ADGRA2: variants seen among roughly 807,000 people sequenced by gnomAD.
ADGRA2 encodes the protein adhesion G protein-coupled receptor A2.
In ADGRA2, 61 loss-of-function variants were observed where a neutral mutation model predicts 98.7. The ratio of observed to expected loss-of-function variants is 0.62; its 90% CI spans 0.50 to 0.76. ADGRA2 has a LOEUF of 0.76. Ranked by LOEUF, ADGRA2 falls within the 30% of genes least tolerant of loss-of-function variation. The pLI is 0.00. For synonymous variants in ADGRA2, 858 were observed against 831.5 expected (o/e 1.03, Z -0.55); for missense variants, 1,712 against 1,860.0 (o/e 0.92, Z 1.46).
Position 37,808,247 on chromosome 8 carries a change from G to A in ADGRA2, c.267-6649G>A, listed in dbSNP as rs959508510. Among the ~76,000 whole-genome samples the A allele has an allele frequency of 5.1e-4, 77 of 152,200 alleles. 2 individuals are homozygous for A. Among genetic ancestry groups the A allele is most frequent in the African/African-American group, 1.8e-3 (76 of 41,448 alleles). On this transcript the variant is annotated intron_variant, in intron 1 of 18. Transcript: ENST00000412232. The stretch of plus-strand genomic sequence containing the variant: ...TTAGGAGTGGGAGAAGGGCGTGGGA[G>A]GGAGGGAAGAAAGAAGCCGAAGATG...
intron 2 of ADGRA2, among the ~76,000 whole-genome samples, chr8:37,816,595 C>A (rs112078330): frequency 0.093 from 7,246 of 77,624 alleles, 548 homozygotes; most frequent in African/African-American, 0.3. Context: ...CCGTCTCAAA[C>A]ACACACACAC....
Position 37,842,559 on chromosome 8 carries a change from ATTTCCGT to A in ADGRA2, c.*205_*211del. 1 of 853,222 alleles carries A rather than the reference ATTTCCGT, an allele frequency of 1.2e-6. No homozygotes were observed. The highest frequency in any genetic ancestry group is 1.6e-6 in the Non-Finnish European group (1 of 621,282). 52.9% of individuals were successfully genotyped at this position (853,222 alleles called of 1,614,324 possible). On this transcript the variant is annotated 3_prime_UTR_variant, in exon 19 of 19. Coordinates refer to ENST00000412232, the MANE Select transcript of ADGRA2 (RefSeq NM_032777.10). ...ACAATCCCAGAAACACGCATAATAC[ATTTCCGT>A]CCAGCCCGGGGCAGTCTGACTGTCG...
chr8:37,811,964 A>G (rs1804844478), intron 1 of ADGRA2, among the ~76,000 whole-genome samples: 2 of 151,916 alleles, frequency 1.3e-5, no homozygotes, highest in South Asian at 2.1e-4. Context: ...TTAGCCATGC[A>G]TGGTGACGGG....
In ADGRA2 at chr8:37,843,256, T is replaced by C. The variant is rs1805867752; in HGVS notation, c.*901T>C. 1.3e-5 allele frequency: 2 copies of C among 152,128 alleles called. No homozygotes were observed. Among genetic ancestry groups the C allele is most frequent in the Admixed American group, 1.3e-4 (2 of 15,262 alleles). The allele number at this position is 152,128 out of a possible 1,614,324, so 9.4% of individuals were successfully genotyped here. The stretch of plus-strand genomic sequence containing the variant: ...AGTTACTTTTCAGTTACAAGACCCA[T>C]CTCCCTAGTCTCAGCCTTACAACAC... On this transcript the variant is annotated 3_prime_UTR_variant, in exon 19 of 19. Coordinates refer to ENST00000412232, the MANE Select transcript of ADGRA2 (RefSeq NM_032777.10).
In ADGRA2 at chr8:37,807,990, G is replaced by A. The variant is rs149383085; in HGVS notation, c.267-6906G>A. ...GGGGTGGTATCTGGTACGTTCCTGCGGCTGCCCAGAGCCCACAGAGCCTCT... is the reference window on the plus strand; with the variant it reads ...GGGGTGGTATCTGGTACGTTCCTGCAGCTGCCCAGAGCCCACAGAGCCTCT... On this transcript the variant is annotated intron_variant, in intron 1 of 18. Coordinates refer to ENST00000412232, the MANE Select transcript of ADGRA2 (RefSeq NM_032777.10). Among the ~76,000 whole-genome samples the A allele has an allele frequency of 4.3e-3, 653 of 152,280 alleles. 10 individuals are homozygous for A. The highest frequency in any genetic ancestry group is 0.015 in the African/African-American group (609 of 41,550).
intron 2 of ADGRA2, among the ~76,000 whole-genome samples, chr8:37,827,198 C>G (rs1347053413): frequency 6.6e-6 from 1 of 152,254 alleles, no homozygotes; most frequent in Non-Finnish European, 1.5e-5. Flanking sequence ...AAAGAGCCAG[C>G]TGGCCTTTGA....
At chr8:37,822,253 G>A (rs1805147222) in intron 2 of ADGRA2, among the ~76,000 whole-genome samples, 2 of 152,122 alleles carry the variant, frequency 1.3e-5, no homozygotes. Context: ...AACCCTGGAA[G>A]TCTTGTAGGC....
At chr8:37,820,972 G>A (rs1259987570) in intron 2 of ADGRA2, among the ~76,000 whole-genome samples, 1 of 152,148 alleles carries the variant, frequency 6.6e-6, no homozygotes, top group Non-Finnish European at 1.5e-5. Context: ...AGCCAGATAG[G>A]ATAGACAGGA....
Position 37,797,602 on chromosome 8 carries a change from G to T in ADGRA2, c.266+68G>T. The stretch of plus-strand genomic sequence containing the variant: ...GGACGAAGGGAGGCGAGACGGGAGG[G>T]GTGGGAGCAGGGGGAAGGGGGCTAT... On this transcript the variant is annotated intron_variant, in intron 1 of 18. Transcript: ENST00000412232. The surrounding 1 kb of genome is among the most constrained non-coding windows in gnomAD (Gnocchi z 5.3). 1 of 1,261,020 alleles carries T rather than the reference G, an allele frequency of 7.9e-7. No homozygotes were observed. Among genetic ancestry groups the T allele is most frequent in the Non-Finnish European group, 1.0e-6 (1 of 984,276 alleles). 78.1% of individuals were successfully genotyped at this position (1,261,020 alleles called of 1,614,324 possible).
rs532981409 is a variant in ADGRA2, at chr8:37,805,744, C to G, written c.266+8210C>G. ...ATTAGCCGGGTGTAGTGGTGCGCGC[C>G]TGTAATCCCAGCTACTCATGAGGCT... On this transcript the variant is annotated intron_variant, in intron 1 of 18. Transcript: ENST00000412232. 2.0e-4 allele frequency among the ~76,000 whole-genome samples: 30 copies of G among 152,144 alleles called. No homozygotes were observed. In the South Asian group the frequency reaches 5.2e-3, roughly 26 times the overall value.
At chr8:37,831,920 C>T (rs1805466081) in intron 8 of ADGRA2, among the ~76,000 whole-genome samples, 1 of 152,114 alleles carries the variant, frequency 6.6e-6, no homozygotes, top group South Asian at 2.1e-4. Context: ...ATCAGCCAGG[C>T]ATGGTGGTGC....
At position 37,831,470 on chromosome 8, in the gene ADGRA2, A is replaced by C; in HGVS notation, c.980A>C (p.Glu327Ala). ...HIGVWASGEW[E>A]CTVSMAQGNA... ...GGCGTGTGGGCCTCAGGCGAGTGGG[A>C]GTGCACCGTGTCCATGGCCCAAGGC... The change falls in exon 8 of 19, where the codon GAG (glutamate) becomes GCG (alanine). Residue 327 changes from glutamate to alanine, a missense_variant. Transcript: ENST00000412232. 1 of 1,613,354 alleles carries C rather than the reference A, an allele frequency of 6.2e-7. No individual in the cohort carries two copies. Among genetic ancestry groups the C allele is most frequent in the Non-Finnish European group, 8.5e-7 (1 of 1,179,992 alleles).
Position 37,797,349 on chromosome 8 carries a change from G to T in ADGRA2, c.81G>T (p.Leu27=), listed in dbSNP as rs1339405891. Residue 27 remains leucine (L), a synonymous_variant, in exon 1 of 19, where the codon CTG becomes CTT. Transcript: ENST00000412232. The surrounding 1 kb of genome is among the most constrained non-coding windows in gnomAD (Gnocchi z 5.3). ...TGCTGCCGTGGCTCCTGCTGCTCCT[G>T]GCGCCCGAGGCTCGGGGCGCGCCCG... ...LPLLPWLLLL[L]APEARGAPGC... 2 of 1,402,578 alleles carry T rather than the reference G, an allele frequency of 1.4e-6. No homozygotes were observed. Among genetic ancestry groups the T allele is most frequent in the Non-Finnish European group, 1.8e-6 (2 of 1,081,736 alleles). 86.9% of individuals were successfully genotyped at this position (1,402,578 alleles called of 1,614,324 possible). A position where few individuals can be genotyped will look rare whatever the true frequency, so the allele number is the denominator to read the frequency against.
In ADGRA2 at chr8:37,837,876, C is replaced by T. The variant is rs750778832; in HGVS notation, c.2196C>T (p.Arg732=). The T allele has an allele frequency of 4.9e-5, 74 of 1,496,094 alleles. No homozygotes were observed. In the Admixed American group the frequency reaches 1.7e-3, roughly 34 times the overall value. The allele number at this position is 1,496,094 out of a possible 1,614,324, so 92.7% of individuals were successfully genotyped here. ...GGWTSEGCQL[R]SSQPNVSALH... ...GGACCTCGGAGGGCTGCCAGCTCCG[C>T]TCCAGCCAGCCCAATGTCAGCGCCC... The change falls in exon 14 of 19, where the codon CGC becomes CGT. Residue 732 remains arginine, a synonymous_variant. Coordinates refer to ENST00000412232, the MANE Select transcript of ADGRA2 (RefSeq NM_032777.10).
At chr8:37,800,114 A>T (rs565257666) in intron 1 of ADGRA2, among the ~76,000 whole-genome samples, 3 of 152,158 alleles carry the variant, frequency 2.0e-5, no homozygotes, top group Non-Finnish European at 2.9e-5. Flanking sequence ...TCTCCTCCCC[A>T]TCAGGAAGGG....
In ADGRA2 at chr8:37,822,384, TAC is replaced by T. The variant is rs147834043; in HGVS notation, c.339-6480_339-6479del. Among the ~76,000 whole-genome samples the T allele has an allele frequency of 6.9e-3, 1,010 of 145,774 alleles. 5 individuals carry two copies. Among genetic ancestry groups the T allele is most frequent in the African/African-American group, 0.018 (734 of 39,704 alleles). ...CGGCCCCACCCTGCCTGTATGTGGG[TAC>T]ACACACACACACACACACACACAGT... is the stretch of plus-strand genomic sequence containing the variant. On this transcript the variant is annotated intron_variant, in intron 2 of 18. Coordinates refer to ENST00000412232, the MANE Select transcript of ADGRA2 (RefSeq NM_032777.10).
rs750328653 is a variant in ADGRA2 at position 37,831,409 on chromosome 8, C to T, written c.933-14C>T. ...AAGGGTGACTCACGAGCCAGCTCCACCTGCCACCCGCAGTGAGCTGACGCT... is the reference window on the plus strand; with the variant it reads ...AAGGGTGACTCACGAGCCAGCTCCATCTGCCACCCGCAGTGAGCTGACGCT... On this transcript the variant is annotated splice_polypyrimidine_tract_variant and intron_variant, in intron 7 of 18. Transcript: ENST00000412232. 1.2e-6 allele frequency: 2 copies of T among 1,607,414 alleles called. No homozygotes were observed. Among genetic ancestry groups the T allele is most frequent in the South Asian group, 2.2e-5 (2 of 91,060 alleles).
In ADGRA2 at chr8:37,814,837, A is replaced by G; in HGVS notation, c.267-59A>G. 7.7e-7 allele frequency: 1 copy of G among 1,299,612 alleles called. No individual in the cohort carries two copies. Among genetic ancestry groups the G allele is most frequent in the East Asian group, 2.3e-5 (1 of 43,292 alleles). The allele number at this position is 1,299,612 out of a possible 1,614,324, so 80.5% of individuals were successfully genotyped here. On this transcript the variant is annotated intron_variant, in intron 1 of 18. Coordinates refer to ENST00000412232, the MANE Select transcript of ADGRA2 (RefSeq NM_032777.10). This position sits in a 1 kb window ranked among gnomAD's most constrained non-coding sequence, Gnocchi z 4.3. ...GCAAGCTGGCCCCACCAGTGGTGAA[A>G]GCGGATGCCCAGCACATAACAGCAC...
intron 1 of ADGRA2, among the ~76,000 whole-genome samples, chr8:37,799,247 C>T (rs1193671735): frequency 6.6e-6 from 1 of 151,962 alleles, no homozygotes; most frequent in Non-Finnish European, 1.5e-5. Flanking sequence ...TGGTAGCGCG[C>T]GCCTGTAATC....
Sources: gnomAD v4.1 joint callset for allele counts (sites outside exome capture counted in the v4.1 genomes callset) on GRCh38, gnomAD v4.1.1 for gene constraint, Gnocchi (gnomAD v3.1) non-coding constraint, MANE v1.5 for transcripts, NCBI Gene and HGNC (gene_info 2026-07-23, HGNC 2026-07-21) for gene names.